The following KDM6A variants were observed in gnomAD, a reference collection of about 807,000 sequenced individuals.
The protein encoded by KDM6A is lysine demethylase 6A, also known as lysine-specific demethylase 6A.
A neutral mutation model predicts 117.6 loss-of-function variants in KDM6A; 11 were observed. The ratio of observed to expected loss-of-function variants is 0.09; its 90% CI spans 0.06 to 0.15. The LOEUF (loss-of-function observed/expected upper bound fraction) is 0.15. Among genes scored for constraint, KDM6A ranks in the 10% least tolerant of loss-of-function variants. KDM6A has a pLI of 1.00. For missense variants in KDM6A, 799 were observed against 1,077.3 expected (o/e 0.74, Z 3.62); for synonymous variants, 384 against 396.1 (o/e 0.97, Z 0.36).
At position 45,060,749 on chromosome X, in the gene KDM6A, A is replaced by G; in HGVS notation, c.1470A>G (p.Thr490=). The G allele has an allele frequency of 9.4e-7, 1 of 1,060,441 alleles. No homozygotes were observed. Among genetic ancestry groups the G allele is most frequent in the Non-Finnish European group, 1.2e-6 (1 of 805,270 alleles). 87.4% of individuals were successfully genotyped at this position (1,060,441 alleles called of 1,213,427 possible). A position where few individuals can be genotyped will look rare whatever the true frequency, so the allele number is the denominator to read the frequency against. Residue 490 remains threonine (T), a synonymous_variant, in exon 14 of 30, where the codon ACA becomes ACG. Transcript: ENST00000611820. The part of the protein sequence containing the change: ...DLSSPAKRKR[T]SSPTKNTSDN... ...CCAGTCCTGCCAAGAGGAAAAGAAC[A>G]TCTAGTCCAACAAAGGTATATGTTT...
At chrX:45,082,500 T>A in intron 21 of KDM6A, 76 bp from the exon 22 acceptor site, 2 of 665,156 alleles carry the variant, frequency 3.0e-6, no homozygotes, top group Non-Finnish European at 4.9e-6. Context: ...AGATATGAAC[T>A]TTTTTTCAGT....
chrX:45,004,758 G>A (rs757663307), intron 4 of KDM6A, among the ~76,000 whole-genome samples: 5 of 111,287 alleles, frequency 4.5e-5, no homozygotes, highest in Non-Finnish European at 9.4e-5. Flanking sequence ...GGTCTCAGGC[G>A]GGGAATTTCT....
intron 2 of KDM6A, among the ~76,000 whole-genome samples, chrX:44,914,070 C>T (rs2035394092): frequency 8.9e-6 from 1 of 112,135 alleles, no homozygotes; most frequent in Admixed American, 9.4e-5. Flanking sequence ...GTTTGGTGTG[C>T]TCTCCTGGCT....
intron 8 of KDM6A, among the ~76,000 whole-genome samples, chrX:45,038,426 G>C (rs1261380902): frequency 9.0e-6 from 1 of 110,759 alleles, no homozygotes; most frequent in East Asian, 2.8e-4. Context: ...TATTGGAAAG[G>C]CATCAAGAGT....
In KDM6A at chrX:45,037,612, C is replaced by T. The variant is rs371656753; in HGVS notation, c.620-43C>T. The stretch of plus-strand genomic sequence containing the variant: ...CTTACTTAATTTGCCCCAAATTCTG[C>T]TGTATTGTTACTGATTTTTTTGTCT... On this transcript the variant is annotated intron_variant, in intron 7 of 29. Coordinates refer to ENST00000611820, the MANE Select transcript of KDM6A (RefSeq NM_001291415.2). The T allele has an allele frequency of 2.0e-5, 22 of 1,112,246 alleles. No individual in the cohort carries two copies. In the African/African-American group the frequency reaches 3.8e-4, roughly 19 times the overall value. The allele number at this position is 1,112,246 out of a possible 1,213,427, so 91.7% of individuals were successfully genotyped here. A position where few individuals can be genotyped will look rare whatever the true frequency, so the allele number is the denominator to read the frequency against.
At chrX:44,983,952 T>A (rs2040047387) in intron 4 of KDM6A, among the ~76,000 whole-genome samples, 1 of 109,818 alleles carries the variant, frequency 9.1e-6, no homozygotes, top group African/African-American at 3.4e-5. Context: ...GGTCAAATGG[T>A]ATTTCTAGTT....
chrX:45,074,645 A>T (rs1356832198), intron 18 of KDM6A, among the ~76,000 whole-genome samples: 1 of 111,505 alleles, frequency 9.0e-6, no homozygotes, highest in African/African-American at 3.3e-5. Context: ...GTTATTTTTA[A>T]ATCTGATTCT....
At chrX:45,026,838 A>G (rs1001741446) in intron 6 of KDM6A, among the ~76,000 whole-genome samples, 5 of 109,902 alleles carry the variant, frequency 4.5e-5, no homozygotes, top group Non-Finnish European at 9.5e-5. Context: ...TCTCAAAAAA[A>G]AAAAAAAAAA....
chrX:45,099,688 G>A lies in KDM6A; in HGVS notation c.4035-7722G>A, dbSNP rs151219531. 4.6e-4 allele frequency among the ~76,000 whole-genome samples: 51 copies of A among 111,793 alleles called. No individual in the cohort carries two copies. In the East Asian group the frequency reaches 0.014, roughly 31 times the overall value. On this transcript the variant is annotated intron_variant, in intron 27 of 29. Coordinates refer to ENST00000611820, the MANE Select transcript of KDM6A (RefSeq NM_001291415.2). Reference sequence around the variant, plus strand: ...TACTTTCTAGTCCATCTTTTTCATAGTATATGGTTTTTATCCTGTGGCTTT... The same window carrying A: ...TACTTTCTAGTCCATCTTTTTCATAATATATGGTTTTTATCCTGTGGCTTT...
intron 2 of KDM6A, among the ~76,000 whole-genome samples, chrX:44,875,026 A>C (rs984952021): frequency 8.9e-6 from 1 of 112,219 alleles, no homozygotes; most frequent in South Asian, 3.6e-4. Context: ...TGGAGTCTCA[A>C]TCTGTATGCA....
intron 2 of KDM6A, among the ~76,000 whole-genome samples, chrX:44,936,400 C>CT (rs1449165247): frequency 9.0e-6 from 1 of 111,431 alleles, no homozygotes; most frequent in African/African-American, 3.3e-5. Context: ...GAACCAATAT[C>CT]TTTTTTAACA....
At chrX:44,880,452 CTT>C (rs750171607) in intron 2 of KDM6A, among the ~76,000 whole-genome samples, 44 of 91,852 alleles carry the variant, frequency 4.8e-4, no homozygotes, top group Admixed American at 6.1e-4. Flanking sequence ...TTCTGTACTG[CTT>C]TTTTTTTTTT....
chrX:45,086,463 ATTT>A (rs1054877749), intron 25 of KDM6A, among the ~76,000 whole-genome samples: 1 of 111,209 alleles, frequency 9.0e-6, no homozygotes, highest in Non-Finnish European at 1.9e-5. Context: ...TGTATTATTT[ATTT>A]TTTATTTTTA....
intron 4 of KDM6A, among the ~76,000 whole-genome samples, chrX:44,983,808 C>T (rs1256128016): frequency 9.1e-6 from 1 of 109,805 alleles, no homozygotes; most frequent in African/African-American, 3.3e-5. Flanking sequence ...TCCAGTCTAT[C>T]ATTGTTGGAC....
chrX:45,066,985 A>G (rs1385726458), intron 17 of KDM6A, among the ~76,000 whole-genome samples: 4 of 111,836 alleles, frequency 3.6e-5, no homozygotes, highest in African/African-American at 9.7e-5. Context: ...AAGTTTCCCA[A>G]ATGAAGTTTC....
intron 2 of KDM6A, among the ~76,000 whole-genome samples, chrX:44,905,494 T>C (rs2034599450): frequency 8.9e-6 from 1 of 112,198 alleles, no homozygotes; most frequent in Non-Finnish European, 1.9e-5. Flanking sequence ...AATTGCCTAA[T>C]GTTGCATTTA....
At chrX:45,030,720 A>AT (rs1210926536) in intron 6 of KDM6A, among the ~76,000 whole-genome samples, 3 of 110,782 alleles carry the variant, frequency 2.7e-5, no homozygotes, top group Non-Finnish European at 5.7e-5. Context: ...TATTAATTTT[A>AT]TTTTTTTGAG....
At chrX:45,071,065 T>C (rs1234545302) in intron 18 of KDM6A, among the ~76,000 whole-genome samples, 1 of 112,316 alleles carries the variant, frequency 8.9e-6, no homozygotes, top group Non-Finnish European at 1.9e-5. Flanking sequence ...ACTGGCCTTT[T>C]CATTGTATAT....
At chrX:45,067,478 A>G (rs1308816600) in intron 17 of KDM6A, among the ~76,000 whole-genome samples, 4 of 111,030 alleles carry the variant, frequency 3.6e-5, no homozygotes, top group Non-Finnish European at 5.7e-5. Context: ...ACTTTCTTGG[A>G]TAATATTTTA....
Sources: allele counts gnomAD v4.1 joint callset (sites outside exome capture counted in the v4.1 genomes callset), GRCh38; gene constraint gnomAD v4.1.1; transcripts MANE v1.5; gene names NCBI Gene and HGNC (gene_info 2026-07-23, HGNC 2026-07-21).